Variants in DAB1 observed in about 807,000 individuals in gnomAD.
DAB1 encodes disabled homolog 1.
DAB1 carries 15 observed loss-of-function variants against 64.6 expected under a neutral mutation model. That is an observed-to-expected ratio of 0.23 (90% confidence interval 0.16 to 0.36). The LOEUF (loss-of-function observed/expected upper bound fraction) is 0.36, where lower values mean the gene tolerates loss of function less well. Among genes scored for constraint, DAB1 ranks in the 10% least tolerant of loss-of-function variants. The pLI is 1.00. For missense variants in DAB1, 596 were observed against 706.7 expected (o/e 0.84, Z 1.78); for synonymous variants, 235 against 251.9 (o/e 0.93, Z 0.64).
intron 3 of DAB1, among the ~76,000 whole-genome samples, chr1:58,405,690 T>C (rs1034769492): frequency 6.6e-6 from 1 of 152,364 alleles, no homozygotes; most frequent in East Asian, 1.9e-4. Context: ...GAGGAAAGTA[T>C]CCTTATGTCT....
intron 7 of DAB1, among the ~76,000 whole-genome samples, chr1:57,632,290 G>A (rs1041247650): frequency 6.6e-6 from 1 of 152,146 alleles, no homozygotes; most frequent in African/African-American, 2.4e-5. Flanking sequence ...ATTACCAGAT[G>A]TTTCTAAATT....
chr1:57,539,028 C>T (rs1188828416), intron 7 of DAB1, among the ~76,000 whole-genome samples: 1 of 152,168 alleles, frequency 6.6e-6, no homozygotes, highest in Non-Finnish European at 1.5e-5. Context: ...CTTTGAGAAC[C>T]TTGCACACCT....
At chr1:58,038,407 A>G (rs936591233) in intron 5 of DAB1, among the ~76,000 whole-genome samples, 13 of 152,176 alleles carry the variant, frequency 8.5e-5, no homozygotes, top group African/African-American at 2.7e-4. Context: ...TAGGTACTTG[A>G]TTAGAAAACA....
At position 57,747,369 on chromosome 1, in the gene DAB1, G is replaced by C. The variant is rs1570791311; in HGVS notation, n.552-97704C>G. ...TTTATTCTACCTGAGGGGTACTTAG[G>C]ACAAAGCTTTTGTCTTAATTCACAC... On this transcript the variant is annotated intron_variant and non_coding_transcript_variant, in intron 6 of 20. Coordinates refer to the DAB1 transcript ENST00000485760. Among the ~76,000 whole-genome samples the C allele has an allele frequency of 3.9e-5, 6 of 152,146 alleles. 2 individuals carry two copies. The highest frequency in any genetic ancestry group is 3.9e-4 in the Admixed American group (6 of 15,292).
At chr1:57,721,802 G>T (rs1647154638) in intron 6 of DAB1, among the ~76,000 whole-genome samples, 1 of 152,180 alleles carries the variant, frequency 6.6e-6, no homozygotes, top group South Asian at 2.1e-4. Context: ...CCATCTATGT[G>T]CTTTGTGGAA....
chr1:57,259,793 A>G (rs899393973), intron 2 of DAB1, among the ~76,000 whole-genome samples: 1 of 152,182 alleles, frequency 6.6e-6, no homozygotes, highest in Non-Finnish European at 1.5e-5. Flanking sequence ...CAACCCTGAC[A>G]TGGGTACTGA....
intron 2 of DAB1, among the ~76,000 whole-genome samples, chr1:58,520,153 C>G (rs1646239807): frequency 1.3e-5 from 2 of 152,132 alleles, no homozygotes; most frequent in South Asian, 4.1e-4. Flanking sequence ...GTACCATGCT[C>G]ACTACCTCGG....
chr1:57,250,894 A>G (rs1446145716), intron 2 of DAB1, among the ~76,000 whole-genome samples: 1 of 152,194 alleles, frequency 6.6e-6, no homozygotes, highest in African/African-American at 2.4e-5. Context: ...CGTCATCCAG[A>G]TGGCATTTTT....
chr1:57,801,317 G>T (rs538926043), intron 6 of DAB1, among the ~76,000 whole-genome samples: 1 of 152,284 alleles, frequency 6.6e-6, no homozygotes, highest in East Asian at 1.9e-4. Context: ...GACAGACTAG[G>T]TTATCCACGG....
intron 2 of DAB1, among the ~76,000 whole-genome samples, chr1:57,258,868 AG>A (rs1436004668): frequency 6.6e-6 from 1 of 152,058 alleles, no homozygotes; most frequent in African/African-American, 2.4e-5. Flanking sequence ...CTTGGTGAGG[AG>A]GGTGAGTTCT....
intron 2 of DAB1, among the ~76,000 whole-genome samples, chr1:57,196,430 TG>T: frequency 6.6e-6 from 1 of 152,286 alleles, no homozygotes; most frequent in African/African-American, 2.4e-5. Context: ...GACCTGGCAG[TG>T]AGTGTGGGAG....
At chr1:57,696,202 G>C (rs941469742) in intron 6 of DAB1, among the ~76,000 whole-genome samples, 1 of 151,986 alleles carries the variant, frequency 6.6e-6, no homozygotes, top group African/African-American at 2.4e-5. Context: ...CTTATCTTTT[G>C]CATTGTTGAA....
chr1:57,602,138 A>G (rs934352183), intron 7 of DAB1, among the ~76,000 whole-genome samples: 1 of 152,226 alleles, frequency 6.6e-6, no homozygotes, highest in Non-Finnish European at 1.5e-5. Flanking sequence ...TGATTGCTGT[A>G]TAAATATTAT....
At chr1:58,064,665 A>G (rs904620354) in intron 5 of DAB1, among the ~76,000 whole-genome samples, 1 of 152,184 alleles carries the variant, frequency 6.6e-6, no homozygotes, top group Non-Finnish European at 1.5e-5. Flanking sequence ...ACAGTTGGTA[A>G]TGACCATAGA....
chr1:57,672,205 C>A (rs187225792), intron 6 of DAB1, among the ~76,000 whole-genome samples: 1 of 152,240 alleles, frequency 6.6e-6, no homozygotes, highest in East Asian at 1.9e-4. Flanking sequence ...CTGCTCTTGA[C>A]CTGTTATGTT....
chr1:58,033,647 G>A (rs575872957), intron 5 of DAB1, among the ~76,000 whole-genome samples: 5 of 152,172 alleles, frequency 3.3e-5, no homozygotes, highest in Non-Finnish European at 7.4e-5. Context: ...TATTTTTACT[G>A]TACTTTACAG....
intron 2 of DAB1, among the ~76,000 whole-genome samples, chr1:57,234,185 C>A (rs1489935723): frequency 6.6e-6 from 1 of 152,140 alleles, no homozygotes. Context: ...TGTGGTAATA[C>A]TACACGAGTG....
intron 5 of DAB1, among the ~76,000 whole-genome samples, chr1:58,016,897 A>C (rs529621592): frequency 8.8e-4 from 134 of 151,874 alleles, no homozygotes; most frequent in Non-Finnish European, 1.7e-3. Context: ...CATTATTAAA[A>C]CCTCCTACTT....
intron 4 of DAB1, among the ~76,000 whole-genome samples, chr1:58,268,023 G>A (rs1661215113): frequency 2.6e-5 from 4 of 152,162 alleles, no homozygotes; most frequent in African/African-American, 9.7e-5. Context: ...CATTGTCGCA[G>A]AGGAGAGTTG....
Sources: allele counts gnomAD v4.1 joint callset (sites outside exome capture counted in the v4.1 genomes callset), GRCh38; gene constraint gnomAD v4.1.1; transcripts MANE v1.5; gene names NCBI Gene and HGNC (gene_info 2026-07-23, HGNC 2026-07-21).